The following TAF3 variants were observed in gnomAD, a reference collection of about 807,000 sequenced individuals.
TAF3 encodes transcription initiation factor TFIID subunit 3.
Under a neutral mutation model 80.6 loss-of-function variants are expected in TAF3, and 7 were observed. The ratio of observed to expected loss-of-function variants is 0.09; its 90% CI spans 0.05 to 0.16. TAF3 has a LOEUF of 0.16. Ranked by LOEUF, TAF3 falls within the 10% of genes least tolerant of loss-of-function variation. The probability of loss-of-function intolerance (pLI) is 1.00; values close to 1 mark genes in which losing one functional copy is unlikely to be tolerated. For missense variants in TAF3, 921 were observed against 1,140.2 expected (o/e 0.81, Z 2.77); for synonymous variants, 444 against 446.1 (o/e 1.00, Z 0.06).
intron 2 of TAF3, among the ~76,000 whole-genome samples, chr10:7,839,481 C>T (rs899910691): frequency 6.6e-6 from 1 of 152,098 alleles, no homozygotes; most frequent in Non-Finnish European, 1.5e-5. Flanking sequence ...AATGGAGGAG[C>T]AGTCGCAAAA....
rs1203098341 is a variant in TAF3 at position 7,863,708 on chromosome 10, C to CAT, written c.409+39158_409+39159dup. 7.0e-3 allele frequency among the ~76,000 whole-genome samples: 566 copies of CAT among 81,394 alleles called. 67 individuals are homozygous for CAT. Among genetic ancestry groups the CAT allele is most frequent in the African/African-American group, 0.026 (545 of 20,570 alleles). 53.4% of individuals were successfully genotyped at this position (81,394 alleles called of 152,430 possible). On this transcript the variant is annotated intron_variant, in intron 2 of 6. Coordinates refer to ENST00000344293, the MANE Select transcript of TAF3 (RefSeq NM_031923.4). Reference sequence around the variant, plus strand: ...ATACACACACATATATATATATACACATATATATATACACATATATATATA... The same window carrying CAT: ...ATACACACACATATATATATATACACATATATATATATACACATATATATATA...
chr10:7,859,123 G>T (rs567657994), intron 2 of TAF3, among the ~76,000 whole-genome samples: 1 of 151,960 alleles, frequency 6.6e-6, no homozygotes. Flanking sequence ...TTAGCTGGGC[G>T]TGTGGTGGGC....
In TAF3 at chr10:8,009,370, T is replaced by C. The variant is rs1476743777; in HGVS notation, c.2568+40T>C. The C allele has an allele frequency of 4.5e-6, 7 of 1,567,770 alleles. No homozygotes were observed. In the Admixed American group the frequency reaches 1.2e-4, roughly 28 times the overall value. ...CCCGCGCGGTTAGCATGGAGACGTT[T>C]TCAGATCGAGACAAGTGTGTGCTCT... On this transcript the variant is annotated intron_variant, in intron 5 of 6. Transcript: ENST00000344293. The surrounding 1 kb of genome is among the most constrained non-coding windows in gnomAD (Gnocchi z 4.1).
intron 2 of TAF3, among the ~76,000 whole-genome samples, chr10:7,911,850 CT>C (rs1248019486): frequency 2.0e-5 from 3 of 152,050 alleles, no homozygotes; most frequent in Non-Finnish European, 4.4e-5. Context: ...ACTTTTTTTT[CT>C]CTTTTCCTTT....
At chr10:7,899,803 A>G (rs111256238) in intron 2 of TAF3, among the ~76,000 whole-genome samples, 1,665 of 152,334 alleles carry the variant, frequency 0.011, 20 homozygotes, top group Middle Eastern at 0.031. Context: ...GTAAAAATAA[A>G]CAAAACTGTT....
intron 2 of TAF3, among the ~76,000 whole-genome samples, chr10:7,872,229 T>TTTC (rs1837273751): frequency 6.6e-6 from 1 of 150,394 alleles, no homozygotes; most frequent in Non-Finnish European, 1.5e-5. Flanking sequence ...TTTTTTTTTT[T>TTTC]TTTTCTTTCT....
intron 2 of TAF3, among the ~76,000 whole-genome samples, chr10:7,872,065 T>C (rs899689504): frequency 2.6e-5 from 4 of 152,186 alleles, no homozygotes; most frequent in African/African-American, 9.6e-5. Context: ...TTGAATTTCA[T>C]TATTTATATT....
intron 2 of TAF3, among the ~76,000 whole-genome samples, chr10:7,878,160 G>A (rs1837327779): frequency 6.6e-6 from 1 of 152,166 alleles, no homozygotes; most frequent in Admixed American, 6.5e-5. Flanking sequence ...ATGTACCCAG[G>A]AGCAGATCCT....
At chr10:8,014,523 C>T (rs867656357) in intron 6 of TAF3, 114 bp from the exon 7 acceptor site, 1 of 881,452 alleles carries the variant, frequency 1.1e-6, no homozygotes, top group Middle Eastern at 2.3e-4. Flanking sequence ...TGCTGCTTGA[C>T]TTTGATTTCG....
At chr10:7,949,636 G>A (rs1002545672) in intron 2 of TAF3, among the ~76,000 whole-genome samples, 18 of 152,220 alleles carry the variant, frequency 1.2e-4, no homozygotes, top group African/African-American at 2.2e-4. Context: ...GTAAAATTCC[G>A]TTGATCCTGA....
intron 2 of TAF3, among the ~76,000 whole-genome samples, chr10:7,894,268 G>T (rs148944295): frequency 1.3e-5 from 2 of 152,256 alleles, no homozygotes; most frequent in African/African-American, 4.8e-5. Context: ...GTTACTGTCA[G>T]CAGGGACAGT....
chr10:7,957,978 AG>A (rs35491167), intron 2 of TAF3, among the ~76,000 whole-genome samples: 55,907 of 151,996 alleles, frequency 0.37, 11,179 homozygotes, highest in Admixed American at 0.49. Flanking sequence ...CAAATTTTGC[AG>A]TTTTATAATA....
At chr10:7,893,585 C>T (rs1457740047) in intron 2 of TAF3, among the ~76,000 whole-genome samples, 4 of 152,212 alleles carry the variant, frequency 2.6e-5, no homozygotes, top group Middle Eastern at 6.8e-3. Flanking sequence ...AGTTGCTCCA[C>T]CTCATGTTTT....
At chr10:7,862,634 C>G (rs546378936) in intron 2 of TAF3, among the ~76,000 whole-genome samples, 136 of 152,292 alleles carry the variant, frequency 8.9e-4, no homozygotes, top group African/African-American at 3.2e-3. Flanking sequence ...ATATCCATCA[C>G]CCTGAAAAGT....
chr10:7,840,784 CT>C lies in TAF3; in HGVS notation c.409+16228del, dbSNP rs569617587. Among the ~76,000 whole-genome samples the C allele has an allele frequency of 2.6e-5, 4 of 151,408 alleles. No individual in the cohort carries two copies. The East Asian group carries it at 5.8e-4, about 22-fold the overall frequency. On this transcript the variant is annotated intron_variant, in intron 2 of 6. Coordinates refer to ENST00000344293, the MANE Select transcript of TAF3 (RefSeq NM_031923.4). ...TGAAATTGAACAGTGTACTCATTGC[CT>C]TTTATTTAGCTAATGACTGCTTACA...
intron 2 of TAF3, among the ~76,000 whole-genome samples, chr10:7,882,827 A>C (rs1837374433): frequency 6.6e-6 from 1 of 152,234 alleles, no homozygotes; most frequent in South Asian, 2.1e-4. Flanking sequence ...AAAAGATACA[A>C]GAATAGCACA....
At chr10:7,979,913 A>C (rs553497024) in intron 4 of TAF3, among the ~76,000 whole-genome samples, 1,659 of 152,254 alleles carry the variant, frequency 0.011, 20 homozygotes, top group Middle Eastern at 0.031. Context: ...AAAGTTAAGA[A>C]TGTGTTTTAT....
intron 2 of TAF3, among the ~76,000 whole-genome samples, chr10:7,833,458 C>T (rs1836821842): frequency 6.6e-6 from 1 of 152,168 alleles, no homozygotes; most frequent in South Asian, 2.1e-4. Context: ...TAATGTTGAA[C>T]ATTTTTTCAT....
chr10:7,884,403 T>TTTTTTTTTTTTTA (rs1837389202), intron 2 of TAF3, among the ~76,000 whole-genome samples: 2 of 149,378 alleles, frequency 1.3e-5, no homozygotes, highest in Admixed American at 6.7e-5. Context: ...TTTTTTTTTT[T>TTTTTTTTTTTTTA]GAGATGGAGT....
Sources: gnomAD v4.1 joint callset for allele counts (sites outside exome capture counted in the v4.1 genomes callset) on GRCh38, gnomAD v4.1.1 for gene constraint, Gnocchi (gnomAD v3.1) non-coding constraint, MANE v1.5 for transcripts, NCBI Gene and HGNC (gene_info 2026-07-23, HGNC 2026-07-21) for gene names.